Variants in CNTN1 observed in about 807,000 individuals in gnomAD.
CNTN1 encodes the protein contactin-1.
A neutral mutation model predicts 126.4 loss-of-function variants in CNTN1; 38 were observed. The observed-to-expected ratio is 0.30, with a 90% CI of 0.23 to 0.39. The LOEUF (loss-of-function observed/expected upper bound fraction) is 0.39, where lower values mean the gene tolerates loss of function less well. Among genes scored for constraint, CNTN1 ranks in the 10% least tolerant of loss-of-function variants. The pLI is 1.00. For missense variants in CNTN1, 1,009 were observed against 1,248.4 expected (o/e 0.81, Z 2.89); for synonymous variants, 413 against 422.6 (o/e 0.98, Z 0.28).
chr12:40,929,127 T>C (rs996122885), intron 6 of CNTN1, among the ~76,000 whole-genome samples: 2 of 151,898 alleles, frequency 1.3e-5, no homozygotes, highest in Non-Finnish European at 2.9e-5. Context: ...CTATAGGAAA[T>C]GCAGCAAATT....
chr12:40,822,392 T>C (rs999032354), intron 1 of CNTN1, among the ~76,000 whole-genome samples: 1 of 151,824 alleles, frequency 6.6e-6, no homozygotes, highest in Non-Finnish European at 1.5e-5. Flanking sequence ...TGACCTCAGG[T>C]GATCCGCTCG....
chr12:40,820,269 A>G (rs538041255), intron 1 of CNTN1, among the ~76,000 whole-genome samples: 2 of 152,280 alleles, frequency 1.3e-5, no homozygotes, highest in South Asian at 4.1e-4. Flanking sequence ...GCATTACTCT[A>G]TTCCTGAGGT....
At chr12:40,925,624 C>CGTGTATATATATATATAT (rs1565962245) in intron 6 of CNTN1, among the ~76,000 whole-genome samples, 7 of 112,724 alleles carry the variant, frequency 6.2e-5, no homozygotes, top group South Asian at 2.6e-4. Flanking sequence ...TATATATATA[C>CGTGTATATATATATATAT]ACATATATAT....
intron 17 of CNTN1, among the ~76,000 whole-genome samples, chr12:41,009,472 A>C (rs565258138): frequency 2.0e-5 from 3 of 152,286 alleles, no homozygotes; most frequent in Admixed American, 2.0e-4. Flanking sequence ...CAGGTAACCC[A>C]CTGGCTGTTG....
intron 23 of CNTN1, among the ~76,000 whole-genome samples, chr12:41,059,646 A>G (rs865940308): frequency 5.3e-5 from 8 of 152,130 alleles, no homozygotes; most frequent in Non-Finnish European, 2.9e-5. Flanking sequence ...CTTTAACTGT[A>G]TCTTATAAGA....
chr12:40,772,832 T>C (rs939389358), intron 1 of CNTN1, among the ~76,000 whole-genome samples: 2 of 151,924 alleles, frequency 1.3e-5, no homozygotes, highest in African/African-American at 2.4e-5. Context: ...TTCATTAGCA[T>C]GGGGACAGTG....
chr12:40,757,360 C>T (rs952296948), intron 1 of CNTN1, among the ~76,000 whole-genome samples: 1 of 151,998 alleles, frequency 6.6e-6, no homozygotes, highest in African/African-American at 2.4e-5. Flanking sequence ...TTTCAGAATC[C>T]AAATATATTT....
intron 1 of CNTN1, among the ~76,000 whole-genome samples, chr12:40,905,250 T>C (rs1054252888): frequency 1.3e-5 from 2 of 152,240 alleles, no homozygotes; most frequent in African/African-American, 4.8e-5. Flanking sequence ...TTGCTGTATG[T>C]GGACACAACT....
intron 3 of CNTN1, among the ~76,000 whole-genome samples, chr12:40,914,548 A>G (rs1388681300): frequency 1.3e-5 from 2 of 152,222 alleles, no homozygotes. Context: ...GAATATAGTT[A>G]TGAAATAAAA....
chr12:40,704,180 T>C (rs959314811), intron 1 of CNTN1, among the ~76,000 whole-genome samples: 1 of 152,182 alleles, frequency 6.6e-6, no homozygotes, highest in African/African-American at 2.4e-5. Context: ...AGAAAGGCAG[T>C]GATTTAATCA....
intron 15 of CNTN1, among the ~76,000 whole-genome samples, chr12:40,967,059 G>T (rs773920633): frequency 6.6e-6 from 1 of 152,036 alleles, no homozygotes; most frequent in Non-Finnish European, 1.5e-5. Flanking sequence ...TAATCGGCCA[G>T]GGGAGGCAGA....
At chr12:40,832,327 A>T (rs1941871469) in intron 1 of CNTN1, among the ~76,000 whole-genome samples, 1 of 152,176 alleles carries the variant, frequency 6.6e-6, no homozygotes, top group Non-Finnish European at 1.5e-5. Context: ...GGAGCAGAAA[A>T]TTTCCTGTTG....
At chr12:40,994,359 T>C (rs1289800035) in intron 17 of CNTN1, among the ~76,000 whole-genome samples, 2 of 152,080 alleles carry the variant, frequency 1.3e-5, no homozygotes, top group African/African-American at 2.4e-5. Flanking sequence ...AGGTCTGTAT[T>C]TGAGATAGGT....
At chr12:40,892,313 T>TA (rs1944266219) in intron 1 of CNTN1, among the ~76,000 whole-genome samples, 1 of 152,104 alleles carries the variant, frequency 6.6e-6, no homozygotes, top group Admixed American at 6.5e-5. Flanking sequence ...GCATACTCCT[T>TA]AAAGTGTTGC....
chr12:40,817,051 A>G (rs1941279730), intron 1 of CNTN1, among the ~76,000 whole-genome samples: 1 of 152,088 alleles, frequency 6.6e-6, no homozygotes, highest in African/African-American at 2.4e-5. Flanking sequence ...TTTGCTGAGG[A>G]GTGTTTTACT....
intron 1 of CNTN1, among the ~76,000 whole-genome samples, chr12:40,846,363 G>A (rs1942501673): frequency 6.6e-6 from 1 of 152,188 alleles, no homozygotes; most frequent in Non-Finnish European, 1.5e-5. Context: ...AGCTATTCGG[G>A]AGGCTGAGGC....
At chr12:41,000,960 G>T (rs1449228783) in intron 17 of CNTN1, among the ~76,000 whole-genome samples, 1 of 152,076 alleles carries the variant, frequency 6.6e-6, no homozygotes, top group Admixed American at 6.6e-5. Flanking sequence ...AAAGTACATG[G>T]TCTTGTTCTT....
chr12:40,712,738 A>AT, intron 1 of CNTN1, among the ~76,000 whole-genome samples: 1 of 152,212 alleles, frequency 6.6e-6, no homozygotes, highest in African/African-American at 2.4e-5. Context: ...CTAGAAATTT[A>AT]ATAAAACCAT....
At chr12:40,758,822 G>C (rs1028043778) in intron 1 of CNTN1, among the ~76,000 whole-genome samples, 2 of 152,110 alleles carry the variant, frequency 1.3e-5, no homozygotes, top group Admixed American at 1.3e-4. Context: ...TTGCAAACCA[G>C]GGGAGACACA....
Sources: gnomAD v4.1 joint callset for allele counts (sites outside exome capture counted in the v4.1 genomes callset) on GRCh38, gnomAD v4.1.1 for gene constraint, MANE v1.5 for transcripts, NCBI Gene and HGNC (gene_info 2026-07-23, HGNC 2026-07-21) for gene names.